ARHGAP39: variants seen among roughly 807,000 people sequenced by gnomAD.
ARHGAP39 encodes the protein Rho GTPase activating protein 39, also known as rho GTPase-activating protein 39.
ARHGAP39 carries 44 observed loss-of-function variants against 106.9 expected under a neutral mutation model. The ratio of observed to expected loss-of-function variants is 0.41; its 90% CI spans 0.32 to 0.53. The LOEUF (loss-of-function observed/expected upper bound fraction) is 0.53, where lower values mean the gene tolerates loss of function less well. Ranked by LOEUF, ARHGAP39 falls within the 20% of genes least tolerant of loss-of-function variation. ARHGAP39 has a pLI of 0.21. For synonymous variants in ARHGAP39, 768 were observed against 693.2 expected, an observed-to-expected ratio of 1.11 and a Z score of -1.69; for missense variants, 1,496 against 1,577.3, an observed-to-expected ratio of 0.95 and a Z score of 0.87.
chr8:144,635,193 G>A (rs1434947248), intron 1 of ARHGAP39, among the ~76,000 whole-genome samples: 1 of 152,214 alleles, frequency 6.6e-6, no homozygotes, highest in Non-Finnish European at 1.5e-5. Flanking sequence ...TTGAGGATGG[G>A]GTAGGTCACC....
chr8:144,660,357 C>T (rs144041707), intron 1 of ARHGAP39, among the ~76,000 whole-genome samples: 2,087 of 152,268 alleles, frequency 0.014, 19 homozygotes, highest in Non-Finnish European at 0.024. Context: ...ACCCCTACTA[C>T]CATATTAAAG....
At chr8:144,587,872 C>G (rs540357698) in intron 2 of ARHGAP39, among the ~76,000 whole-genome samples, 17 of 152,242 alleles carry the variant, frequency 1.1e-4, no homozygotes, top group African/African-American at 4.1e-4. Flanking sequence ...AGGCTGGTCT[C>G]GAACTACTGA....
intron 1 of ARHGAP39, among the ~76,000 whole-genome samples, chr8:144,608,278 A>G (rs1820371836): frequency 6.6e-6 from 1 of 152,198 alleles, no homozygotes; most frequent in South Asian, 2.1e-4. Context: ...TTTGAAAAGT[A>G]AAACAGCAGT....
chr8:144,669,960 T>C (rs548619577), intron 1 of ARHGAP39, among the ~76,000 whole-genome samples: 1 of 152,306 alleles, frequency 6.6e-6, no homozygotes, highest in South Asian at 2.1e-4. Flanking sequence ...AGTTTGGCAT[T>C]TCCTCAAAAG....
intron 6 of ARHGAP39, among the ~76,000 whole-genome samples, chr8:144,543,661 G>A (rs1245726648): frequency 6.6e-6 from 1 of 152,210 alleles, no homozygotes; most frequent in Non-Finnish European, 1.5e-5. Context: ...TTCCATGCAG[G>A]CCAGGACCCC....
chr8:144,545,867 GC>G, intron 5 of ARHGAP39, 57 bp from the exon 6 acceptor site: 1 of 1,401,432 alleles, frequency 7.1e-7, no homozygotes, highest in African/African-American at 1.5e-5. Context: ...AGGCAGGTGG[GC>G]CCACTGGGCC....
At chr8:144,657,242 A>G (rs913982227) in intron 1 of ARHGAP39, among the ~76,000 whole-genome samples, 1 of 152,070 alleles carries the variant, frequency 6.6e-6, no homozygotes, top group East Asian at 1.9e-4. Context: ...AAATAAAACA[A>G]TATTAATAAA....
intron 1 of ARHGAP39, among the ~76,000 whole-genome samples, chr8:144,608,171 A>G (rs1230729172): frequency 5.2e-5 from 6 of 116,430 alleles, no homozygotes; most frequent in African/African-American, 8.8e-5. Context: ...AAAAAAAAAA[A>G]AAAAAAAAAA....
At position 144,549,558 on chromosome 8, in the gene ARHGAP39, T is replaced by C. The variant is rs569831090; in HGVS notation, c.597-1069A>G. Among the ~76,000 whole-genome samples, 4 of 152,318 alleles carry C rather than the reference T, an allele frequency of 2.6e-5. No homozygotes were observed. The South Asian group carries it at 8.3e-4, about 32-fold the overall frequency. On this transcript the variant is annotated intron_variant, in intron 4 of 11. Transcript: ENST00000377307. ...GCCAGGCTGGAGTATAGCGGCACGG[T>C]CTTGCCTCACTGTAACCTCTGCCTC...
chr8:144,687,634 G>A (rs62529949), upstream of ARHGAP39, among the ~76,000 whole-genome samples: 16 of 8,566 alleles, frequency 1.9e-3, 2 homozygotes, highest in Admixed American at 8.3e-3. Flanking sequence ...ACCACACACT[G>A]GCGGTGAGCA....
chr8:144,657,987 A>G (rs1821737820), intron 1 of ARHGAP39, among the ~76,000 whole-genome samples: 1 of 152,256 alleles, frequency 6.6e-6, no homozygotes, highest in African/African-American at 2.4e-5. Flanking sequence ...AAATTTTTTA[A>G]TATGGCATAA....
In ARHGAP39 at chr8:144,645,529, T is replaced by C. The variant is rs1821419793; in HGVS notation, c.-81-39834A>G. ...AGAGCCTCCCCGCCTCACTCTGGTC[T>C]CTCCTGGCAGAGTCACTGAAGGGCT... On this transcript the variant is annotated intron_variant, in intron 1 of 11. Coordinates refer to ENST00000377307, the MANE Select transcript of ARHGAP39 (RefSeq NM_025251.3). The surrounding 1 kb of genome is among the most constrained non-coding windows in gnomAD (Gnocchi z 4.4). Among the ~76,000 whole-genome samples the C allele has an allele frequency of 6.7e-6, 1 of 150,026 alleles. No homozygotes were observed. The highest frequency in any genetic ancestry group is 2.5e-5 in the African/African-American group (1 of 40,408).
At chr8:144,563,946 T>G (rs1287168524) in intron 3 of ARHGAP39, among the ~76,000 whole-genome samples, 1 of 152,184 alleles carries the variant, frequency 6.6e-6, no homozygotes, top group Non-Finnish European at 1.5e-5. Context: ...TGCAGTAAAG[T>G]TATTTCGATG....
intron 1 of ARHGAP39, among the ~76,000 whole-genome samples, chr8:144,615,835 G>C (rs940629893): frequency 6.6e-6 from 1 of 152,230 alleles, no homozygotes; most frequent in Non-Finnish European, 1.5e-5. Context: ...GCAAAGACAC[G>C]ACCCCAGTGA....
chr8:144,577,286 A>G (rs913741308), intron 3 of ARHGAP39, among the ~76,000 whole-genome samples: 4 of 152,206 alleles, frequency 2.6e-5, no homozygotes, highest in African/African-American at 9.7e-5. Context: ...GGCCGGTTCA[A>G]CATGAGACCA....
At chr8:144,545,133 AACCATGGCCCT>A in intron 6 of ARHGAP39, 105 bp downstream of exon 6, 1 of 1,006,814 alleles carries the variant, frequency 9.9e-7, no homozygotes, top group African/African-American at 1.6e-5. Flanking sequence ...GTGTGTGTCG[AACCATGGCCCT>A]GTGTGGAGGG....
At position 144,533,152 on chromosome 8, in the gene ARHGAP39, G is replaced by A. The variant is rs747954009; in HGVS notation, c.2862C>T (p.Asn954=). The A allele has an allele frequency of 1.0e-4, 168 of 1,608,008 alleles. No individual in the cohort carries two copies. Among genetic ancestry groups the A allele is most frequent in the South Asian group, 3.0e-4 (27 of 91,072 alleles). The change falls in exon 9 of 12, where the codon AAC becomes AAT. Residue 954 remains asparagine, a synonymous_variant. Coordinates refer to ENST00000377307, the MANE Select transcript of ARHGAP39 (RefSeq NM_025251.3). ...TRLSEEVLAL[N]GDQTEGIFRV... ...TGAAGATGCCCTCTGTCTGGTCACC[G>A]TTGAGCGCCAGCACCTCCTCAGAGA...
At chr8:144,650,565 G>A (rs1238407912) in intron 1 of ARHGAP39, among the ~76,000 whole-genome samples, 2 of 152,066 alleles carry the variant, frequency 1.3e-5, no homozygotes, top group East Asian at 3.9e-4. Flanking sequence ...CCACAATCAA[G>A]CAGACTTCAT....
chr8:144,553,209 C>T (rs976906904), intron 4 of ARHGAP39, among the ~76,000 whole-genome samples: 1 of 152,206 alleles, frequency 6.6e-6, no homozygotes, highest in Non-Finnish European at 1.5e-5. Context: ...CACTCCACCC[C>T]AGGAGATGTT....
Sources: allele counts gnomAD v4.1 joint callset (sites outside exome capture counted in the v4.1 genomes callset), GRCh38; gene constraint gnomAD v4.1.1; non-coding constraint Gnocchi (gnomAD v3.1); transcripts MANE v1.5; gene names NCBI Gene and HGNC (gene_info 2026-07-23, HGNC 2026-07-21).